The following FARP1 variants were observed in gnomAD, a reference collection of about 807,000 sequenced individuals.
FARP1 encodes FERM, ARHGEF and pleckstrin domain-containing protein 1.
In FARP1, 52 loss-of-function variants were observed where a neutral mutation model predicts 128.8. The ratio of observed to expected loss-of-function variants is 0.40; its 90% CI spans 0.32 to 0.51. The LOEUF is 0.51. FARP1 is among the 20% of genes least tolerant of loss of function. FARP1 has a pLI of 0.45. For missense variants in FARP1, 1,333 were observed against 1,367.9 expected (o/e 0.97, Z 0.40); for synonymous variants, 580 against 551.8 (o/e 1.05, Z -0.72).
At chr13:98,331,114 T>C (rs992500225) in intron 2 of FARP1, among the ~76,000 whole-genome samples, 1 of 152,202 alleles carries the variant, frequency 6.6e-6, no homozygotes, top group Non-Finnish European at 1.5e-5. Context: ...CCCAGAACTG[T>C]GGTTTATTAA....
chr13:98,185,382 G>A (rs1294665201), intron 1 of FARP1, among the ~76,000 whole-genome samples: 4 of 152,150 alleles, frequency 2.6e-5, no homozygotes, highest in African/African-American at 9.7e-5. Flanking sequence ...GGATTGGTAA[G>A]ATAAAGCTCT....
chr13:98,361,916 C>G (rs1415880415), intron 3 of FARP1, among the ~76,000 whole-genome samples: 1 of 152,144 alleles, frequency 6.6e-6, no homozygotes. Context: ...TCGCCTCTTG[C>G]CCCTATTTTT....
chr13:98,180,977 C>T (rs1878464106), intron 1 of FARP1, among the ~76,000 whole-genome samples: 1 of 151,980 alleles, frequency 6.6e-6, no homozygotes, highest in African/African-American at 2.4e-5. Context: ...ATTTATATAC[C>T]TTTCCCTGTG....
chr13:98,392,482 C>G (rs116191655), intron 11 of FARP1, among the ~76,000 whole-genome samples: 2,219 of 149,022 alleles, frequency 0.015, 49 homozygotes, highest in African/African-American at 0.047. Context: ...CTCTGGGCCA[C>G]AGAGCGAGAT....
chr13:98,312,289 C>T (rs1305880703), intron 2 of FARP1, among the ~76,000 whole-genome samples: 5 of 151,960 alleles, frequency 3.3e-5, no homozygotes, highest in Admixed American at 6.5e-5. Flanking sequence ...TACAGGCGCC[C>T]GCTACCACGC....
At chr13:98,180,135 GATTA>G (rs1878403740) in intron 1 of FARP1, among the ~76,000 whole-genome samples, 1 of 152,086 alleles carries the variant, frequency 6.6e-6, no homozygotes, top group South Asian at 2.1e-4. Flanking sequence ...AAGAAGAGAG[GATTA>G]ATTGACTTGT....
intron 1 of FARP1, among the ~76,000 whole-genome samples, chr13:98,153,230 T>C (rs746870296): frequency 6.8e-5 from 10 of 147,244 alleles, no homozygotes; most frequent in Non-Finnish European, 1.5e-4. Flanking sequence ...ACAAACATGT[T>C]AGTGAATCTG....
chr13:98,343,928 C>A, intron 3 of FARP1, 62 bp downstream of exon 3: 1 of 1,057,982 alleles, frequency 9.5e-7, no homozygotes, highest in Non-Finnish European at 1.5e-6. Flanking sequence ...GGGGGCTGGG[C>A]AGGGGCCAGT....
chr13:98,361,380 C>G (rs577904694), intron 3 of FARP1, among the ~76,000 whole-genome samples: 1 of 152,324 alleles, frequency 6.6e-6, no homozygotes, highest in South Asian at 2.1e-4. Flanking sequence ...CAAATAGGTG[C>G]TTGTGTTTGA....
chr13:98,423,949 C>A lies in FARP1; in HGVS notation c.1827-623C>A, dbSNP rs555433487. Among the ~76,000 whole-genome samples, 4 of 152,268 alleles carry A rather than the reference C, an allele frequency of 2.6e-5. No homozygotes were observed. In the East Asian group the frequency reaches 7.7e-4, roughly 29 times the overall value. The stretch of plus-strand genomic sequence containing the variant: ...ACCCAATATGTCTGGGGGACCATGG[C>A]CCTCCCCTCCACGCCTCTCTCTCTT... On this transcript the variant is annotated intron_variant, in intron 16 of 26. Coordinates refer to ENST00000319562, the MANE Select transcript of FARP1 (RefSeq NM_005766.4).
At chr13:98,282,405 T>A (rs1884978410) in intron 2 of FARP1, among the ~76,000 whole-genome samples, 1 of 152,192 alleles carries the variant, frequency 6.6e-6, no homozygotes, top group Non-Finnish European at 1.5e-5. Context: ...CAAAGTGAGC[T>A]GTGAGAATTG....
At chr13:98,396,787 A>G (rs1890566520) in intron 13 of FARP1, 1 of 289,936 alleles carries the variant, frequency 3.4e-6, no homozygotes, top group South Asian at 1.7e-4. Flanking sequence ...GAAACACTTT[A>G]TTATGAATCC....
At chr13:98,275,582 T>TA (rs1884608566) in intron 2 of FARP1, among the ~76,000 whole-genome samples, 1 of 151,620 alleles carries the variant, frequency 6.6e-6, no homozygotes, top group African/African-American at 2.4e-5. Flanking sequence ...CTAACATTGT[T>TA]AGAGTTTGAA....
At chr13:98,410,941 A>G (rs1891167100) in intron 15 of FARP1, 118 bp downstream of exon 15, 2 of 548,508 alleles carry the variant, frequency 3.6e-6, no homozygotes, top group African/African-American at 1.9e-5. Context: ...AGTTGAAAGG[A>G]TTGTGGTCCT....
intron 2 of FARP1, among the ~76,000 whole-genome samples, chr13:98,242,705 T>G (rs919519624): frequency 2.6e-5 from 4 of 152,196 alleles, no homozygotes; most frequent in Non-Finnish European, 5.9e-5. Context: ...TATAAAATTT[T>G]GAAAGATGTA....
chr13:98,417,536 G>GCCA (rs1008348056), intron 16 of FARP1, among the ~76,000 whole-genome samples: 4 of 149,794 alleles, frequency 2.7e-5, no homozygotes, highest in African/African-American at 9.8e-5. Flanking sequence ...GAGAATGGCA[G>GCCA]CCAGGAGGGC....
Position 98,239,766 on chromosome 13 carries a change from G to A in FARP1, c.171+26353G>A, listed in dbSNP as rs529023076. ...CGGAGGAGATGAGCGGGGAGGGGGT[G>A]CTCAGGTGAGACTTCTGGGGAGCAG... On this transcript the variant is annotated intron_variant, in intron 2 of 26. Transcript: ENST00000319562. 1.5e-4 allele frequency among the ~76,000 whole-genome samples: 23 copies of A among 152,208 alleles called. 1 individual carries two copies. The South Asian group carries it at 4.6e-3, about 30-fold the overall frequency.
intron 2 of FARP1, among the ~76,000 whole-genome samples, chr13:98,300,584 T>A (rs1027525998): frequency 9.9e-5 from 15 of 152,240 alleles, no homozygotes; most frequent in African/African-American, 2.4e-4. Flanking sequence ...CTTCTGACTG[T>A]GCCCTCTTGC....
chr13:98,151,850 G>C (rs1876034266), intron 1 of FARP1, among the ~76,000 whole-genome samples: 2 of 151,300 alleles, frequency 1.3e-5, no homozygotes, highest in South Asian at 4.2e-4. Flanking sequence ...TTAGTAGAGA[G>C]GGGGTTTCAT....
Sources: gnomAD v4.1 joint callset for allele counts (sites outside exome capture counted in the v4.1 genomes callset) on GRCh38, gnomAD v4.1.1 for gene constraint, MANE v1.5 for transcripts, NCBI Gene and HGNC (gene_info 2026-07-23, HGNC 2026-07-21) for gene names.